The following IL2RA variants were observed in gnomAD, a reference collection of about 807,000 sequenced individuals.
IL2RA encodes interleukin-2 receptor subunit alpha.
Under a neutral mutation model 37.8 loss-of-function variants are expected in IL2RA, and 24 were observed. That is an observed-to-expected ratio of 0.63 (90% CI 0.46 to 0.89). IL2RA has a LOEUF of 0.89. IL2RA is among the 40% of genes least tolerant of loss of function. The probability of loss-of-function intolerance (pLI) is 0.00; values close to 1 mark genes in which losing one functional copy is unlikely to be tolerated. For missense variants in IL2RA, 319 were observed against 348.6 expected (o/e 0.92, Z 0.68); for synonymous variants, 125 against 114.6 (o/e 1.09, Z -0.58).
chr10:6,023,134 T>A (rs1799907895), intron 3 of IL2RA, among the ~76,000 whole-genome samples: 1 of 152,232 alleles, frequency 6.6e-6, no homozygotes, highest in Non-Finnish European at 1.5e-5. Context: ...TTATCTTTTG[T>A]GCATCTCAGT....
chr10:6,034,251 G>A lies in IL2RA; in HGVS notation c.65-8226C>T, dbSNP rs376417720. 4.1e-4 allele frequency among the ~76,000 whole-genome samples: 62 copies of A among 152,238 alleles called. 1 individual carries two copies. The South Asian group carries it at 0.012, about 31-fold the overall frequency. On this transcript the variant is annotated intron_variant, in intron 1 of 7. Transcript: ENST00000379959. The stretch of plus-strand genomic sequence containing the variant: ...TTTCCTTTCATAAAGAATCTTTCCT[G>A]GAATTTAGGATCTTGACACCTCCAG...
chr10:6,031,494 GTATATATATATATATATGTA>G (rs1839587701), intron 1 of IL2RA, among the ~76,000 whole-genome samples: 6 of 27,476 alleles, frequency 2.2e-4, no homozygotes, highest in African/African-American at 6.3e-4. Context: ...ATATATATAT[GTATATATATATATATATGTA>G]TATATATGTA....
chr10:6,011,955 T>C lies in IL2RA; in HGVS notation c.*917A>G, dbSNP rs1159669307. The C allele has an allele frequency of 6.6e-6, 1 of 152,396 alleles. No individual in the cohort carries two copies. Among genetic ancestry groups the C allele is most frequent in the Non-Finnish European group, 1.5e-5 (1 of 68,060 alleles). 9.4% of individuals were successfully genotyped at this position (152,396 alleles called of 1,614,324 possible). On this transcript the variant is annotated 3_prime_UTR_variant, in exon 8 of 8. Transcript: ENST00000379959. This position sits in a 1 kb window ranked among gnomAD's most constrained non-coding sequence, Gnocchi z 5.2. ...AAACATTGAATGTACGGATCCCTTTTTGGTGTTTTTAGACACTTCTCAGGA... is the reference window on the plus strand; with the variant it reads ...AAACATTGAATGTACGGATCCCTTTCTGGTGTTTTTAGACACTTCTCAGGA...
chr10:6,057,656 C>T lies in IL2RA; in HGVS notation c.64+4432G>A, dbSNP rs1008239185. Among the ~76,000 whole-genome samples, 1 of 152,134 alleles carries T rather than the reference C, an allele frequency of 6.6e-6. No homozygotes were observed. Among genetic ancestry groups the T allele is most frequent in the South Asian group, 2.1e-4 (1 of 4,824 alleles). On this transcript the variant is annotated intron_variant, in intron 1 of 7. Coordinates refer to ENST00000379959, the MANE Select transcript of IL2RA (RefSeq NM_000417.3). The surrounding 1 kb of genome is among the most constrained non-coding windows in gnomAD (Gnocchi z 4.8). Reference sequence around the variant, plus strand: ...GTTTATTTTCCTGCTAATTCTATTCCCTGTGACCTCAAGCAACATGCCTCA... The same window carrying T: ...GTTTATTTTCCTGCTAATTCTATTCTCTGTGACCTCAAGCAACATGCCTCA...
Position 6,052,579 on chromosome 10 carries a change from C to T in IL2RA, c.64+9509G>A, listed in dbSNP as rs116036344. ...TCTTCCTCCTGTACCCTCAACCCAT[C>T]AGCTGCCTGTACTGCTGTAGCAACA... On this transcript the variant is annotated intron_variant, in intron 1 of 7. Coordinates refer to ENST00000379959, the MANE Select transcript of IL2RA (RefSeq NM_000417.3). 8.6e-4 allele frequency among the ~76,000 whole-genome samples: 131 copies of T among 152,318 alleles called. 1 individual carries two copies. The highest frequency in any genetic ancestry group is 3.0e-3 in the African/African-American group (126 of 41,576).
Position 6,028,208 on chromosome 10 carries a change from G to A in IL2RA, c.65-2183C>T, listed in dbSNP as rs1839515104. ...GACGTGACATGACTGGGATTTGTGG[G>A]GTGGGGCTCTGGAGAGGACACTGCA... On this transcript the variant is annotated intron_variant, in intron 1 of 7. Transcript: ENST00000379959. The surrounding 1 kb of genome is among the most constrained non-coding windows in gnomAD (Gnocchi z 4.1). Among the ~76,000 whole-genome samples the A allele has an allele frequency of 6.6e-6, 1 of 152,070 alleles. No homozygotes were observed. Among genetic ancestry groups the A allele is most frequent in the African/African-American group, 2.4e-5 (1 of 41,382 alleles).
At chr10:6,032,641 C>T (rs1258628824) in intron 1 of IL2RA, among the ~76,000 whole-genome samples, 1 of 151,064 alleles carries the variant, frequency 6.6e-6, no homozygotes, top group South Asian at 2.1e-4. Flanking sequence ...TGCAGTGAGC[C>T]CAGATCGCGT....
chr10:6,016,634 G>A (rs908497884), intron 7 of IL2RA, among the ~76,000 whole-genome samples: 1 of 151,762 alleles, frequency 6.6e-6, no homozygotes, highest in South Asian at 2.1e-4. Context: ...GTGTAGTGGC[G>A]CGATCTTGGC....
At position 6,062,142 on chromosome 10, in the gene IL2RA, A is replaced by T. The variant is rs1564556393; in HGVS notation, c.10T>A (p.Tyr4Asn). Residue 4 changes from tyrosine to asparagine, a missense_variant, in exon 1 of 8, where the codon TAC (tyrosine) becomes AAC (asparagine). Physicochemically the swap from Tyr to Asn is moderately radical, Grantham distance 143. Coordinates refer to ENST00000379959, the MANE Select transcript of IL2RA (RefSeq NM_000417.3). MDS[Y>N]LLMWGLLTFI... ...GTGAGCAGTCCCCACATCAGCAGGT[A>T]TGAATCCATCTTCCTGACCCTTGGG... is the stretch of plus-strand genomic sequence containing the variant. The T allele has an allele frequency of 6.2e-7, 1 of 1,613,858 alleles. No homozygotes were observed. Among genetic ancestry groups the T allele is most frequent in the Admixed American group, 1.7e-5 (1 of 60,002 alleles).
rs551019497 is a variant in IL2RA at position 6,057,496 on chromosome 10, A to C, written c.64+4592T>G. Among the ~76,000 whole-genome samples, 58 of 152,316 alleles carry C rather than the reference A, an allele frequency of 3.8e-4. No individual in the cohort carries two copies. Among genetic ancestry groups the C allele is most frequent in the Admixed American group, 9.2e-4 (14 of 15,294 alleles). ...ATTTCCTTTCTGGAATCCTTGACATAGAGTGAAGGAACTGGAAGGGAGTTT... is the reference window on the plus strand; with the variant it reads ...ATTTCCTTTCTGGAATCCTTGACATCGAGTGAAGGAACTGGAAGGGAGTTT... On this transcript the variant is annotated intron_variant, in intron 1 of 7. Transcript: ENST00000379959. This position sits in a 1 kb window ranked among gnomAD's most constrained non-coding sequence, Gnocchi z 4.8.
chr10:6,039,233 A>G (rs777157250), intron 1 of IL2RA, among the ~76,000 whole-genome samples: 1 of 152,270 alleles, frequency 6.6e-6, no homozygotes, highest in Non-Finnish European at 1.5e-5. Context: ...TCAATTCACC[A>G]GGAAAACATA....
chr10:6,062,202 G>A lies in IL2RA; in HGVS notation c.-51C>T, dbSNP rs763417993. ...GGCAGTGAAGCGGAGGTCTTTCTCT[G>A]CAGAAGGCCCAGTTGCCGTCAGCCT... is the stretch of plus-strand genomic sequence containing the variant. On this transcript the variant is annotated 5_prime_UTR_variant, in exon 1 of 8. Coordinates refer to ENST00000379959, the MANE Select transcript of IL2RA (RefSeq NM_000417.3). 4 of 1,504,306 alleles carry A rather than the reference G, an allele frequency of 2.7e-6. No homozygotes were observed. In the Admixed American group the frequency reaches 6.7e-5, roughly 25 times the overall value. 93.2% of individuals were successfully genotyped at this position (1,504,306 alleles called of 1,614,324 possible).
At chr10:6,019,684 C>T (rs1215473644) in intron 5 of IL2RA, among the ~76,000 whole-genome samples, 185 bp from the exon 6 acceptor site, 1 of 152,188 alleles carries the variant, frequency 6.6e-6, no homozygotes, top group Non-Finnish European at 1.5e-5. Flanking sequence ...CCTGGGTTCC[C>T]TCTTTCTGAC....
In IL2RA at chr10:6,057,303, G is replaced by T. The variant is rs570123013; in HGVS notation, c.64+4785C>A. ...AGCAGTGGGTCATGCTGGCTGCCAG[G>T]CAGTACTTCTTCAGAGCTGGAAATA... is the stretch of plus-strand genomic sequence containing the variant. On this transcript the variant is annotated intron_variant, in intron 1 of 7. Coordinates refer to ENST00000379959, the MANE Select transcript of IL2RA (RefSeq NM_000417.3). This position sits in a 1 kb window ranked among gnomAD's most constrained non-coding sequence, Gnocchi z 4.8. Among the ~76,000 whole-genome samples, 1 of 152,186 alleles carries T rather than the reference G, an allele frequency of 6.6e-6. No individual in the cohort carries two copies. Among genetic ancestry groups the T allele is most frequent in the African/African-American group, 2.4e-5 (1 of 41,442 alleles).
intron 1 of IL2RA, among the ~76,000 whole-genome samples, chr10:6,061,262 C>T (rs1840117855): frequency 6.6e-6 from 1 of 151,894 alleles, no homozygotes; most frequent in Non-Finnish European, 1.5e-5. Context: ...TGGCGTATGC[C>T]TGTAGTCCCA....
At position 6,048,013 on chromosome 10, in the gene IL2RA, T is replaced by C. The variant is rs1198238927; in HGVS notation, c.64+14075A>G. 6.6e-6 allele frequency among the ~76,000 whole-genome samples: 1 copy of C among 152,204 alleles called. No homozygotes were observed. Among genetic ancestry groups the C allele is most frequent in the Admixed American group, 6.5e-5 (1 of 15,278 alleles). On this transcript the variant is annotated intron_variant, in intron 1 of 7. Coordinates refer to ENST00000379959, the MANE Select transcript of IL2RA (RefSeq NM_000417.3). This position sits in a 1 kb window ranked among gnomAD's most constrained non-coding sequence, Gnocchi z 5.3. ...GCCCCTCAGTGGTGGAGCTAGGACT[T>C]GGACCCAGGCAGCCTGACAAGTGCG...
At position 6,057,847 on chromosome 10, in the gene IL2RA, T is replaced by G. The variant is rs1425796928; in HGVS notation, c.64+4241A>C. ...CCAACAAAAAAGTCACAAAGAGGAC[T>G]GGGTGCGGTGGCTCATGCCTGTAAT... On this transcript the variant is annotated intron_variant, in intron 1 of 7. Transcript: ENST00000379959. The surrounding 1 kb of genome is among the most constrained non-coding windows in gnomAD (Gnocchi z 4.8). Among the ~76,000 whole-genome samples the G allele has an allele frequency of 2.0e-5, 3 of 152,180 alleles. No individual in the cohort carries two copies. Among genetic ancestry groups the G allele is most frequent in the African/African-American group, 7.2e-5 (3 of 41,450 alleles).
At chr10:6,059,114 C>A (rs1200392839) in intron 1 of IL2RA, among the ~76,000 whole-genome samples, 1 of 152,224 alleles carries the variant, frequency 6.6e-6, no homozygotes, top group African/African-American at 2.4e-5. Flanking sequence ...GGAGTGATGC[C>A]TAGAAATTCC....
Position 6,028,255 on chromosome 10 carries a change from G to C in IL2RA, c.65-2230C>G, listed in dbSNP as rs953293885. On this transcript the variant is annotated intron_variant, in intron 1 of 7. Coordinates refer to ENST00000379959, the MANE Select transcript of IL2RA (RefSeq NM_000417.3). This position sits in a 1 kb window ranked among gnomAD's most constrained non-coding sequence, Gnocchi z 4.1. ...TGCATGAAGGTCGCCCCAAAATTAT[G>C]TATAGGGGTCCACCTCAGGTTCTTA... 2.0e-5 allele frequency among the ~76,000 whole-genome samples: 3 copies of C among 152,204 alleles called. No homozygotes were observed. Among genetic ancestry groups the C allele is most frequent in the Non-Finnish European group, 4.4e-5 (3 of 68,036 alleles).
Sources: allele counts gnomAD v4.1 joint callset (sites outside exome capture counted in the v4.1 genomes callset), GRCh38; gene constraint gnomAD v4.1.1; non-coding constraint Gnocchi (gnomAD v3.1); transcripts MANE v1.5; gene names NCBI Gene and HGNC (gene_info 2026-07-23, HGNC 2026-07-21).